The following LRFN5 variants were observed in gnomAD, a reference collection of about 807,000 sequenced individuals.
The protein encoded by LRFN5 is leucine-rich repeat and fibronectin type-III domain-containing protein 5.
In LRFN5, 24 loss-of-function variants were observed where a neutral mutation model predicts 45.6. The ratio of observed to expected loss-of-function variants is 0.53; its 90% confidence interval spans 0.38 to 0.74. LRFN5 has a LOEUF of 0.74. LRFN5 is among the 30% of genes least tolerant of loss of function. The probability of loss-of-function intolerance (pLI) is 0.00; values close to 1 mark genes in which losing one functional copy is unlikely to be tolerated. For synonymous variants in LRFN5, 340 were observed against 313.8 expected, an observed-to-expected ratio of 1.08 and a Z score of -0.88; for missense variants, 776 against 861.5, an observed-to-expected ratio of 0.90 and a Z score of 1.24.
chr14:41,713,162 T>C (rs1253964397), intron 1 of LRFN5, among the ~76,000 whole-genome samples: 3 of 152,104 alleles, frequency 2.0e-5, no homozygotes, highest in African/African-American at 4.8e-5. Flanking sequence ...CTACTGAATG[T>C]GCATGTGAAA....
chr14:41,852,547 A>G (rs2139078333), intron 2 of LRFN5, among the ~76,000 whole-genome samples: 1 of 152,064 alleles, frequency 6.6e-6, no homozygotes, highest in East Asian at 1.9e-4. Flanking sequence ...ACATATTGAC[A>G]TAAAGTTTTG....
chr14:41,629,760 T>G (rs1395514565), intron 1 of LRFN5, among the ~76,000 whole-genome samples: 1 of 152,192 alleles, frequency 6.6e-6, no homozygotes, highest in Admixed American at 6.5e-5. Flanking sequence ...CATGTCTTAG[T>G]TCCCATACTG....
At chr14:41,761,069 G>A (rs1468861777) in intron 1 of LRFN5, among the ~76,000 whole-genome samples, 3 of 152,072 alleles carry the variant, frequency 2.0e-5, no homozygotes, top group African/African-American at 7.2e-5. Context: ...ATAAGATATT[G>A]ATTTATATAA....
intron 1 of LRFN5, among the ~76,000 whole-genome samples, chr14:41,752,875 C>A (rs1885199364): frequency 6.6e-6 from 1 of 152,134 alleles, no homozygotes; most frequent in Admixed American, 6.5e-5. Flanking sequence ...CCTAGGTTTT[C>A]TTCTAGGGTT....
rs1288934603 is a variant in LRFN5 at position 41,886,638 on chromosome 14, C to G, written c.13C>G (p.Leu5Val). ...AACCTGATCTACAATGGAAAAAATT[C>G]TTTTTTATCTGTTTCTCATTGGCAT... is the stretch of plus-strand genomic sequence containing the variant. The part of the protein sequence containing the change: MEKI[L>V]FYLFLIGIAV... The change falls in exon 3 of 6, where the codon CTT (leucine) becomes GTT (valine). Residue 5 changes from leucine to valine, a missense_variant. Leu to Val is a conservative substitution (Grantham distance 32). This residue lies in a region of LRFN5 where 311 missense variants were observed against 405.1 expected (regional missense o/e 0.77). Coordinates refer to ENST00000298119, the MANE Select transcript of LRFN5 (RefSeq NM_152447.5). 3.8e-6 allele frequency: 6 copies of G among 1,577,670 alleles called. No homozygotes were observed. The Admixed American group carries it at 1.2e-4, about 31-fold the overall frequency.
intron 1 of LRFN5, among the ~76,000 whole-genome samples, chr14:41,650,172 T>A (rs186810328): frequency 6.6e-6 from 1 of 150,690 alleles, no homozygotes; most frequent in African/African-American, 2.4e-5. Context: ...AGGTGATAGA[T>A]TACTTGAGGT....
chr14:41,719,723 G>GTATA (rs948947043), intron 1 of LRFN5, among the ~76,000 whole-genome samples: 1 of 150,998 alleles, frequency 6.6e-6, no homozygotes, highest in African/African-American at 2.5e-5. Context: ...AGATGTGTGT[G>GTATA]TATATATATG....
chr14:41,695,465 AGAG>A (rs1380621978), intron 1 of LRFN5, among the ~76,000 whole-genome samples: 1 of 151,946 alleles, frequency 6.6e-6, no homozygotes, highest in African/African-American at 2.4e-5. Flanking sequence ...TCATAGCTAA[AGAG>A]GAGAAGTCAA....
intron 5 of LRFN5, among the ~76,000 whole-genome samples, chr14:41,900,117 T>G (rs1891059440): frequency 6.6e-6 from 1 of 152,098 alleles, no homozygotes; most frequent in Non-Finnish European, 1.5e-5. Context: ...AGTTCATTTA[T>G]CATGTAACTT....
chr14:41,683,967 C>T (rs1882013343), intron 1 of LRFN5, among the ~76,000 whole-genome samples: 2 of 152,112 alleles, frequency 1.3e-5, no homozygotes, highest in Non-Finnish European at 2.9e-5. Context: ...TATGTGGAAC[C>T]TCAGAAGACC....
chr14:41,795,042 ATTC>A (rs1203230870), intron 2 of LRFN5, among the ~76,000 whole-genome samples: 22 of 152,108 alleles, frequency 1.4e-4, no homozygotes, highest in African/African-American at 5.1e-4. Flanking sequence ...TATACTATAT[ATTC>A]TTATAAGTGG....
chr14:41,677,898 A>C (rs928755853), intron 1 of LRFN5, among the ~76,000 whole-genome samples: 9 of 152,084 alleles, frequency 5.9e-5, no homozygotes, highest in Admixed American at 4.6e-4. Flanking sequence ...AATTAACCCT[A>C]AGTATGATAA....
intron 2 of LRFN5, among the ~76,000 whole-genome samples, chr14:41,878,534 G>A (rs1295504391): frequency 1.3e-5 from 2 of 152,124 alleles, no homozygotes; most frequent in Non-Finnish European, 2.9e-5. Context: ...TGTAGTAATG[G>A]AAAATCATTT....
At chr14:41,785,165 CTTTCTT>C (rs1886674200) in intron 2 of LRFN5, among the ~76,000 whole-genome samples, 1 of 151,938 alleles carries the variant, frequency 6.6e-6, no homozygotes, top group Admixed American at 6.6e-5. Flanking sequence ...TTTAAAGTGT[CTTTCTT>C]TTAGCGGACA....
At chr14:41,643,693 C>T (rs190292456) in intron 1 of LRFN5, among the ~76,000 whole-genome samples, 2 of 149,034 alleles carry the variant, frequency 1.3e-5, no homozygotes, top group East Asian at 4.0e-4. Flanking sequence ...TGAGAGTGCA[C>T]ACATAGACAT....
Position 41,867,949 on chromosome 14 carries a change from A to C in LRFN5, c.-20-18657A>C, listed in dbSNP as rs372272155. On this transcript the variant is annotated intron_variant, in intron 2 of 5. Coordinates refer to ENST00000298119, the MANE Select transcript of LRFN5 (RefSeq NM_152447.5). ...CAGGAAATCAGATAGAAAGTGTAGG[A>C]CAGATCTCCTGACTCCTAGAAAGCA... Among the ~76,000 whole-genome samples, 15 of 152,224 alleles carry C rather than the reference A, an allele frequency of 9.9e-5. 1 individual carries two copies. In the South Asian group the frequency reaches 3.1e-3, roughly 32 times the overall value.
At chr14:41,666,902 T>A (rs1043050856) in intron 1 of LRFN5, among the ~76,000 whole-genome samples, 12 of 152,164 alleles carry the variant, frequency 7.9e-5, no homozygotes, top group African/African-American at 2.9e-4. Context: ...TTGACCCATA[T>A]AGATTCACAA....
At chr14:41,848,238 A>C in intron 2 of LRFN5, among the ~76,000 whole-genome samples, 1 of 152,086 alleles carries the variant, frequency 6.6e-6, no homozygotes, top group East Asian at 1.9e-4. Context: ...AATAATAATA[A>C]AAACAAACAA....
At chr14:41,840,194 CTGATTATA>C (rs1480957896) in intron 2 of LRFN5, among the ~76,000 whole-genome samples, 1 of 152,006 alleles carries the variant, frequency 6.6e-6, no homozygotes, top group Non-Finnish European at 1.5e-5. Flanking sequence ...GTCTGGTACG[CTGATTATA>C]TGACCTTCAA....
Sources: gnomAD v4.1 joint callset for allele counts (sites outside exome capture counted in the v4.1 genomes callset) on GRCh38, gnomAD v4.1.1 for gene constraint, gnomAD v4.1.1 regional missense constraint, MANE v1.5 for transcripts, NCBI Gene and HGNC (gene_info 2026-07-23, HGNC 2026-07-21) for gene names.